FHOD3: variants seen among roughly 807,000 people sequenced by gnomAD.
FHOD3 encodes FH1/FH2 domain-containing protein 3.
Under a neutral mutation model 173.0 loss-of-function variants are expected in FHOD3, and 90 were observed. The observed-to-expected ratio is 0.52, with a 90% CI of 0.44 to 0.62. The LOEUF is 0.62. FHOD3 is among the 20% of genes least tolerant of loss of function. The pLI, the probability that FHOD3 is intolerant of heterozygous loss-of-function variation, is 0.00. For missense variants in FHOD3, 1,945 were observed against 2,034.7 expected (o/e 0.96, Z 0.85); for synonymous variants, 828 against 823.0 (o/e 1.01, Z -0.10).
At chr18:36,491,036 G>T (rs1185218259) in intron 3 of FHOD3, among the ~76,000 whole-genome samples, 1 of 152,170 alleles carries the variant, frequency 6.6e-6, no homozygotes, top group Admixed American at 6.5e-5. Context: ...GCCAGGGGCT[G>T]GAGGGAAACC....
chr18:36,716,914 ATGTGTGTGTGTGTGTGTG>A (rs57041859), intron 18 of FHOD3, among the ~76,000 whole-genome samples: 2 of 136,812 alleles, frequency 1.5e-5, no homozygotes, highest in African/African-American at 5.4e-5. Flanking sequence ...ATATATGTGT[ATGTGTGTGTGTGTGTGTG>A]TGTGTGTGTG....
chr18:36,416,272 A>T (rs1339621079), intron 3 of FHOD3, among the ~76,000 whole-genome samples: 1 of 152,210 alleles, frequency 6.6e-6, no homozygotes, highest in Non-Finnish European at 1.5e-5. Context: ...TGACCTCGTG[A>T]TCCGCCTGCC....
intron 1 of FHOD3, among the ~76,000 whole-genome samples, chr18:36,307,198 G>T (rs879918699): frequency 6.6e-6 from 1 of 152,242 alleles, no homozygotes; most frequent in Non-Finnish European, 1.5e-5. Flanking sequence ...TCCTGACCTC[G>T]TAATCTGCCC....
chr18:36,512,016 A>G (rs1038808919), intron 4 of FHOD3, among the ~76,000 whole-genome samples: 5 of 152,262 alleles, frequency 3.3e-5, no homozygotes, highest in Admixed American at 3.3e-4. Flanking sequence ...TCTTTGGAAC[A>G]CATTAGTGGC....
chr18:36,414,770 A>G (rs2049543462), intron 3 of FHOD3, among the ~76,000 whole-genome samples: 1 of 152,182 alleles, frequency 6.6e-6, no homozygotes, highest in Admixed American at 6.5e-5. Flanking sequence ...TAACCCTCAC[A>G]GCCTGCCAGA....
intron 1 of FHOD3, among the ~76,000 whole-genome samples, chr18:36,323,479 G>A (rs768599221): frequency 5.9e-5 from 9 of 152,178 alleles, no homozygotes; most frequent in African/African-American, 1.9e-4. Context: ...GCATCAGGAT[G>A]CCTTTACCCA....
chr18:36,525,768 T>A (rs2056481420), intron 5 of FHOD3, among the ~76,000 whole-genome samples: 1 of 152,220 alleles, frequency 6.6e-6, no homozygotes, highest in South Asian at 2.1e-4. Flanking sequence ...TCTTCTTGCA[T>A]GATCTTCTCA....
chr18:36,635,712 A>G (rs903709307), intron 10 of FHOD3, among the ~76,000 whole-genome samples: 15 of 152,222 alleles, frequency 9.9e-5, no homozygotes, highest in African/African-American at 3.6e-4. Flanking sequence ...AGGCAGATGG[A>G]AATTCCCATA....
intron 3 of FHOD3, among the ~76,000 whole-genome samples, chr18:36,443,494 A>G (rs572459009): frequency 6.6e-6 from 1 of 152,350 alleles, no homozygotes; most frequent in East Asian, 1.9e-4. Flanking sequence ...TGTGTCACTT[A>G]AACATTCCCT....
intron 3 of FHOD3, among the ~76,000 whole-genome samples, chr18:36,447,332 G>A (rs1436289115): frequency 2.0e-5 from 3 of 152,106 alleles, no homozygotes; most frequent in Non-Finnish European, 4.4e-5. Context: ...TGTGTTTGAG[G>A]GACCCAGGCC....
chr18:36,501,522 G>T (rs778154261), intron 3 of FHOD3, among the ~76,000 whole-genome samples: 3 of 152,168 alleles, frequency 2.0e-5, no homozygotes, highest in Non-Finnish European at 2.9e-5. Flanking sequence ...GGTTTTTCTG[G>T]GTATAGTTGG....
intron 5 of FHOD3, among the ~76,000 whole-genome samples, chr18:36,571,975 G>A (rs1343280116): frequency 6.6e-6 from 1 of 152,190 alleles, no homozygotes; most frequent in Non-Finnish European, 1.5e-5. Context: ...GCTGGGTAAG[G>A]TTAGCCTGGA....
rs1413542186 is a variant in FHOD3, at chr18:36,652,911, A to T, written c.1628A>T (p.Glu543Val). ...CTGTCCACCAAGGAGAAGGAAGCAG[A>T]GTCCCAGAAGGAAAACAGGTAGATT... ...SSLSTKEKEA[E>V]SQKENSSSDS... Residue 543 changes from glutamate (E) to valine (V), a missense_variant, in exon 12 of 29, where the codon GAG becomes GTG. This residue lies in a region of FHOD3 where 1,099 missense variants were observed against 1,051.2 expected (regional missense o/e 1.05). Coordinates refer to ENST00000590592, the MANE Select transcript of FHOD3 (RefSeq NM_001281740.3). 1 of 1,532,874 alleles carries T rather than the reference A, an allele frequency of 6.5e-7. No individual in the cohort carries two copies. Among genetic ancestry groups the T allele is most frequent in the African/African-American group, 1.4e-5 (1 of 73,096 alleles). 95.0% of individuals were successfully genotyped at this position (1,532,874 alleles called of 1,614,324 possible).
chr18:36,720,399 A>G (rs879940441), intron 19 of FHOD3, among the ~76,000 whole-genome samples: 4 of 151,598 alleles, frequency 2.6e-5, no homozygotes, highest in Non-Finnish European at 5.9e-5. Context: ...TGCTACACCC[A>G]GCTAATTTTT....
intron 6 of FHOD3, among the ~76,000 whole-genome samples, chr18:36,582,632 T>C (rs957977597): frequency 4.6e-5 from 7 of 152,216 alleles, no homozygotes; most frequent in African/African-American, 1.7e-4. Context: ...GTGAACCCTG[T>C]CCAAGCTAAA....
intron 3 of FHOD3, among the ~76,000 whole-genome samples, chr18:36,458,196 A>T (rs2052333655): frequency 6.6e-6 from 1 of 152,186 alleles, no homozygotes; most frequent in African/African-American, 2.4e-5. Flanking sequence ...GAGGAAACTT[A>T]CAAACTCACC....
chr18:36,681,461 T>C lies in FHOD3; in HGVS notation c.1861T>C (p.Ser621Pro). The C allele has an allele frequency of 6.2e-7, 1 of 1,613,754 alleles. No individual in the cohort carries two copies. The highest frequency in any genetic ancestry group is 8.5e-7 in the Non-Finnish European group (1 of 1,179,860). Residue 621 changes from serine to proline, a missense_variant, in exon 15 of 29, where the codon TCA (serine) becomes CCA (proline). Physicochemically the swap from Ser to Pro is moderately conservative, Grantham distance 74. Coordinates refer to ENST00000590592, the MANE Select transcript of FHOD3 (RefSeq NM_001281740.3). ...ERSSPSGLLT[S>P]SFRQHQESLA... Reference sequence around the variant, plus strand: ...GTCATCACCGAGTGGTCTTCTCACATCATCCTTCAGGCAGCACCAAGAGTC... The same window carrying C: ...GTCATCACCGAGTGGTCTTCTCACACCATCCTTCAGGCAGCACCAAGAGTC...
chr18:36,669,047 G>A (rs964200567), intron 14 of FHOD3, among the ~76,000 whole-genome samples: 3 of 151,928 alleles, frequency 2.0e-5, no homozygotes, highest in African/African-American at 4.8e-5. Context: ...GTCTTGTTCT[G>A]TTACTGAGAG....
At chr18:36,618,388 C>T (rs1262720474) in intron 9 of FHOD3, among the ~76,000 whole-genome samples, 6 of 148,504 alleles carry the variant, frequency 4.0e-5, no homozygotes, top group Admixed American at 3.4e-4. Context: ...TCTTGGCTCA[C>T]CACAACCTCC....
Sources: gnomAD v4.1 joint callset for allele counts (sites outside exome capture counted in the v4.1 genomes callset) on GRCh38, gnomAD v4.1.1 for gene constraint, gnomAD v4.1.1 regional missense constraint, MANE v1.5 for transcripts, NCBI Gene and HGNC (gene_info 2026-07-23, HGNC 2026-07-21) for gene names.